The following RANBP9 variants were observed in gnomAD, a reference collection of about 807,000 sequenced individuals.
RANBP9 encodes the protein RAN binding protein 9, also known as ran-binding protein 9.
In RANBP9, 15 loss-of-function variants were observed where a neutral mutation model predicts 84.3. That is an observed-to-expected ratio of 0.18 (90% CI 0.12 to 0.27). RANBP9 has a LOEUF of 0.27. Ranked by LOEUF, RANBP9 falls within the 10% of genes least tolerant of loss-of-function variation. RANBP9 has a pLI of 1.00. For synonymous variants in RANBP9, 392 were observed against 349.6 expected (o/e 1.12, Z -1.35); for missense variants, 809 against 912.8 (o/e 0.89, Z 1.46).
At chr6:13,665,739 G>A (rs1765629762) in intron 2 of RANBP9, among the ~76,000 whole-genome samples, 1 of 152,090 alleles carries the variant, frequency 6.6e-6, no homozygotes, top group Admixed American at 6.6e-5. Context: ...CCATCAACAA[G>A]CGAACAGATA....
In RANBP9 at chr6:13,711,525, G is replaced by A. The variant is rs1758287831; in HGVS notation, c.-20C>T. 2.4e-6 allele frequency: 3 copies of A among 1,246,148 alleles called. No individual in the cohort carries two copies. The highest frequency in any genetic ancestry group is 6.6e-5 in the South Asian group (2 of 30,418). The allele number at this position is 1,246,148 out of a possible 1,614,324, so 77.2% of individuals were successfully genotyped here. On this transcript the variant is annotated 5_prime_UTR_variant, in exon 1 of 14. Coordinates refer to ENST00000011619, the MANE Select transcript of RANBP9 (RefSeq NM_005493.3). The stretch of plus-strand genomic sequence containing the variant: ...GGACATCCCGGCCGCGACTCAGCCT[G>A]CGGCCACCTCCACCTCTTCTCTCCT...
At chr6:13,674,572 A>G (rs955860417) in intron 2 of RANBP9, among the ~76,000 whole-genome samples, 2 of 152,180 alleles carry the variant, frequency 1.3e-5, no homozygotes, top group African/African-American at 4.8e-5. Flanking sequence ...AAACTGACAA[A>G]CTGTGTCTGT....
At chr6:13,667,360 A>G (rs535482327) in intron 2 of RANBP9, among the ~76,000 whole-genome samples, 1 of 152,020 alleles carries the variant, frequency 6.6e-6, no homozygotes, top group Non-Finnish European at 1.5e-5. Flanking sequence ...ACCTTTTGGC[A>G]GTATATTAAT....
chr6:13,666,555 C>T (rs1039019520), intron 2 of RANBP9, among the ~76,000 whole-genome samples: 7 of 131,936 alleles, frequency 5.3e-5, no homozygotes, highest in Admixed American at 2.8e-4. Flanking sequence ...GTGAGAGAAG[C>T]GCTTGAGTCC....
intron 1 of RANBP9, 81 bp from the exon 2 acceptor site, chr6:13,696,977 A>G: frequency 8.5e-7 from 1 of 1,173,180 alleles, no homozygotes; most frequent in Non-Finnish European, 1.2e-6. Flanking sequence ...TCAGGAACAT[A>G]TAGGTTTTTG....
rs186599259 is a variant in RANBP9 at position 13,638,063 on chromosome 6, G to T, written c.1526-108C>A. 1,629 of 983,176 alleles carry T rather than the reference G, an allele frequency of 1.7e-3. 5 individuals are homozygous for T. Among genetic ancestry groups the T allele is most frequent in the Middle Eastern group, 3.5e-3 (11 of 3,174 alleles). 60.9% of individuals were successfully genotyped at this position (983,176 alleles called of 1,614,324 possible). On this transcript the variant is annotated intron_variant, in intron 9 of 13. Transcript: ENST00000011619. ...GTACTAAGACTTCTAGAACGTAGGA[G>T]AGTCAATGGATGATGTAAACAGGTA...
chr6:13,664,093 T>A (rs1050296367), intron 2 of RANBP9, among the ~76,000 whole-genome samples: 1 of 152,156 alleles, frequency 6.6e-6, no homozygotes. Context: ...TGGCTCTATG[T>A]ACAGATGATA....
At chr6:13,640,634 A>T (rs1010334428) in intron 8 of RANBP9, among the ~76,000 whole-genome samples, 1 of 152,224 alleles carries the variant, frequency 6.6e-6, no homozygotes, top group Non-Finnish European at 1.5e-5. Flanking sequence ...TAAGGCTATT[A>T]CACTAAAATA....
intron 1 of RANBP9, among the ~76,000 whole-genome samples, chr6:13,710,076 T>C (rs1487700480): frequency 2.6e-5 from 4 of 152,318 alleles, no homozygotes; most frequent in African/African-American, 7.2e-5. Flanking sequence ...AATTCATAAT[T>C]TTATATACAA....
At chr6:13,651,078 C>A (rs574248878) in intron 5 of RANBP9, among the ~76,000 whole-genome samples, 180 of 152,178 alleles carry the variant, frequency 1.2e-3, no homozygotes, top group African/African-American at 4.1e-3. Flanking sequence ...AGGTGTGCAA[C>A]ACCTAAAAAG....
intron 2 of RANBP9, among the ~76,000 whole-genome samples, chr6:13,665,195 G>A (rs1294959127): frequency 6.6e-6 from 1 of 152,098 alleles, no homozygotes; most frequent in Non-Finnish European, 1.5e-5. Context: ...TTAATGACTT[G>A]AGGATAAAGC....
intron 2 of RANBP9, among the ~76,000 whole-genome samples, chr6:13,667,465 T>C (rs1765676515): frequency 1.3e-5 from 2 of 152,204 alleles, no homozygotes; most frequent in Non-Finnish European, 2.9e-5. Flanking sequence ...AGAAACACTT[T>C]TAAAAACCTA....
At chr6:13,632,167 T>G (rs1347076442) in intron 12 of RANBP9, among the ~76,000 whole-genome samples, 1 of 99,544 alleles carries the variant, frequency 1.0e-5, no homozygotes, top group East Asian at 3.3e-4. Context: ...TTTTTTTTTT[T>G]GCTTTAGTCC....
At chr6:13,694,458 G>C (rs140880763) in intron 2 of RANBP9, among the ~76,000 whole-genome samples, 1 of 152,284 alleles carries the variant, frequency 6.6e-6, no homozygotes, top group African/African-American at 2.4e-5. Context: ...ACAAACTATA[G>C]AGACAGAAAA....
chr6:13,683,355 A>G (rs1485131415), intron 2 of RANBP9, among the ~76,000 whole-genome samples: 3 of 152,212 alleles, frequency 2.0e-5, no homozygotes, highest in Non-Finnish European at 4.4e-5. Context: ...AAAAACTGAA[A>G]TATGATTTCA....
At chr6:13,688,589 ATC>A (rs1265901233) in intron 2 of RANBP9, among the ~76,000 whole-genome samples, 1 of 151,932 alleles carries the variant, frequency 6.6e-6, no homozygotes, top group African/African-American at 2.4e-5. Flanking sequence ...CCCTGTCTCC[ATC>A]TCTGTCAATC....
At chr6:13,710,338 C>G (rs560002916) in intron 1 of RANBP9, among the ~76,000 whole-genome samples, 57 of 152,190 alleles carry the variant, frequency 3.7e-4, no homozygotes, top group African/African-American at 1.3e-3. Flanking sequence ...AAAGGGTGTT[C>G]CTGGGGTTCC....
chr6:13,682,566 C>A (rs1766070689), intron 2 of RANBP9, among the ~76,000 whole-genome samples: 1 of 152,084 alleles, frequency 6.6e-6, no homozygotes, highest in Non-Finnish European at 1.5e-5. Flanking sequence ...GATTCTCCAG[C>A]CTCAGCCTCC....
At chr6:13,700,737 G>C (rs907366744) in intron 1 of RANBP9, among the ~76,000 whole-genome samples, 1 of 152,124 alleles carries the variant, frequency 6.6e-6, no homozygotes, top group Non-Finnish European at 1.5e-5. Flanking sequence ...AGAAGCAAAA[G>C]CTCAAGACCC....
Sources: gnomAD v4.1 joint callset for allele counts (sites outside exome capture counted in the v4.1 genomes callset) on GRCh38, gnomAD v4.1.1 for gene constraint, MANE v1.5 for transcripts, NCBI Gene and HGNC (gene_info 2026-07-23, HGNC 2026-07-21) for gene names.